The following RUFY1 variants were observed in gnomAD, a reference collection of about 807,000 sequenced individuals.
RUFY1 encodes the protein RUN and FYVE domain-containing protein 1.
In RUFY1, 54 loss-of-function variants were observed where a neutral mutation model predicts 94.6. That is an observed-to-expected ratio of 0.57 (90% CI 0.46 to 0.72). RUFY1 has a LOEUF of 0.72. Among genes scored for constraint, RUFY1 ranks in the 30% least tolerant of loss-of-function variants. The pLI, the probability that RUFY1 is intolerant of heterozygous loss-of-function variation, is 0.00. For synonymous variants in RUFY1, 396 were observed against 347.3 expected, an observed-to-expected ratio of 1.14 and a Z score of -1.56; for missense variants, 883 against 883.9, an observed-to-expected ratio of 1.00 and a Z score of 0.01.
chr5:179,608,369 G>A, intron 17 of RUFY1: 2 of 985,668 alleles, frequency 2.0e-6, no homozygotes, highest in Non-Finnish European at 2.4e-6. Flanking sequence ...AGTAAGCTCA[G>A]AGCTAGAAAC....
chr5:179,555,420 C>A (rs955653357), intron 1 of RUFY1, among the ~76,000 whole-genome samples: 1 of 151,994 alleles, frequency 6.6e-6, no homozygotes, highest in South Asian at 2.1e-4. Context: ...GAGATAGAAC[C>A]GCTAAAAGAT....
At chr5:179,551,488 TTTTA>T (rs1761849969) in intron 1 of RUFY1, among the ~76,000 whole-genome samples, 1 of 152,090 alleles carries the variant, frequency 6.6e-6, no homozygotes, top group Admixed American at 6.5e-5. Flanking sequence ...GTGTTTTTGT[TTTTA>T]TTTATTTTTA....
chr5:179,579,344 G>A (rs1186461932), intron 6 of RUFY1, among the ~76,000 whole-genome samples: 1 of 151,602 alleles, frequency 6.6e-6, no homozygotes, highest in African/African-American at 2.4e-5. Flanking sequence ...TTTTTTTTGA[G>A]ACAGTTTTGT....
chr5:179,570,896 C>T (rs1281730383), intron 5 of RUFY1, among the ~76,000 whole-genome samples: 3 of 151,932 alleles, frequency 2.0e-5, no homozygotes, highest in East Asian at 1.9e-4. Context: ...ACTCTTAGAC[C>T]GATAATTCAG....
Position 179,577,159 on chromosome 5 carries a change from CTTTTTTTTTTTT to C in RUFY1, c.890+42_890+53del, listed in dbSNP as rs748319712. 131 of 186,702 alleles carry C rather than the reference CTTTTTTTTTTTT, an allele frequency of 7.0e-4. No individual in the cohort carries two copies. In the East Asian group the frequency reaches 7.7e-3, roughly 11 times the overall value. The allele number at this position is 186,702 out of a possible 1,614,324, so 11.6% of individuals were successfully genotyped here. Reference sequence around the variant, plus strand: ...GGAGTAAGTACTGCGTTGTATGTCACTTTTTTTTTTTTTTTTTTTTTTTTTTTTTTGAGACAG... The same window carrying C: ...GGAGTAAGTACTGCGTTGTATGTCACTTTTTTTTTTTTTTTTTTGAGACAG... On this transcript the variant is annotated intron_variant, in intron 6 of 17. Transcript: ENST00000319449.
rs570892013 is a variant in RUFY1 at position 179,563,825 on chromosome 5, C to A, written c.602+1161C>A. Among the ~76,000 whole-genome samples, 9 of 152,240 alleles carry A rather than the reference C, an allele frequency of 5.9e-5. No individual in the cohort carries two copies. The East Asian group carries it at 1.2e-3, about 20-fold the overall frequency. On this transcript the variant is annotated intron_variant, in intron 3 of 17. Transcript: ENST00000319449. ...TAGCTGGGATTACAGGCACGTGCCA[C>A]CACACCCAGTTAATTTTTGTATTTT...
chr5:179,598,522 T>C (rs547398452), intron 13 of RUFY1, among the ~76,000 whole-genome samples, 170 bp from the exon 14 acceptor site: 1 of 152,296 alleles, frequency 6.6e-6, no homozygotes, highest in Admixed American at 6.5e-5. Flanking sequence ...TTCCTGCTCT[T>C]TCTTGTGGAA....
chr5:179,594,812 C>CAGGT, intron 11 of RUFY1, 54 bp from the exon 12 acceptor site: 3 of 977,172 alleles, frequency 3.1e-6, no homozygotes, highest in Non-Finnish European at 3.2e-6. Context: ...TAATCCAGAG[C>CAGGT]AGGTGCAAGG....
chr5:179,603,660 C>T (rs1432043152), intron 15 of RUFY1: 1 of 152,274 alleles, frequency 6.6e-6, no homozygotes, highest in Non-Finnish European at 1.5e-5. Context: ...GGGTTTGCAG[C>T]CAGTGTTTTC....
At chr5:179,609,311 G>C (rs1767473259) in intron 17 of RUFY1, 65 bp from the exon 18 acceptor site, 2 of 1,552,710 alleles carry the variant, frequency 1.3e-6, no homozygotes, top group Non-Finnish European at 1.8e-6. Context: ...GGGTCAGGAA[G>C]CAGGGAGGGT....
intron 8 of RUFY1, chr5:179,586,580 AAG>A: frequency 2.6e-6 from 1 of 381,170 alleles, no homozygotes; most frequent in East Asian, 7.3e-5. Context: ...TACAGCAGAG[AAG>A]AGAGCCTCAG....
At chr5:179,585,283 A>G (rs1309470644) in intron 7 of RUFY1, among the ~76,000 whole-genome samples, 1 of 152,122 alleles carries the variant, frequency 6.6e-6, no homozygotes, top group Admixed American at 6.6e-5. Flanking sequence ...CAGATGACTA[A>G]AAAAGAAATA....
intron 7 of RUFY1, among the ~76,000 whole-genome samples, chr5:179,585,209 A>G (rs1170806314): frequency 6.6e-6 from 1 of 152,222 alleles, no homozygotes; most frequent in South Asian, 2.1e-4. Flanking sequence ...TACTTTAGGT[A>G]TATGACTGCC....
intron 14 of RUFY1, among the ~76,000 whole-genome samples, chr5:179,601,476 G>A (rs1183000892): frequency 6.6e-6 from 1 of 151,322 alleles, no homozygotes; most frequent in Non-Finnish European, 1.5e-5. Flanking sequence ...GCCACCTTTT[G>A]CTCTTGAAAA....
Position 179,573,325 on chromosome 5 carries a change from G to A in RUFY1, c.829-3750G>A, listed in dbSNP as rs115110478. On this transcript the variant is annotated intron_variant, in intron 5 of 17. Coordinates refer to ENST00000319449, the MANE Select transcript of RUFY1 (RefSeq NM_025158.5). ...TTAATTAATTAATAGACATGAGTGA[G>A]CAATCTGGTCTAGTGCTATCTTGAA... 6.3e-3 allele frequency among the ~76,000 whole-genome samples: 957 copies of A among 152,220 alleles called. 5 individuals carry two copies. Among genetic ancestry groups the A allele is most frequent in the Non-Finnish European group, 9.9e-3 (674 of 68,002 alleles).
At chr5:179,582,764 A>G (rs1275785987) in intron 7 of RUFY1, among the ~76,000 whole-genome samples, 1 of 151,964 alleles carries the variant, frequency 6.6e-6, no homozygotes, top group Non-Finnish European at 1.5e-5. Flanking sequence ...AATCGCTTGG[A>G]CCCGGGAGAC....
intron 1 of RUFY1, 103 bp from the exon 2 acceptor site, chr5:179,559,922 G>A: frequency 2.0e-6 from 3 of 1,482,554 alleles, no homozygotes; most frequent in South Asian, 1.4e-5. Context: ...TCCCTAAGCA[G>A]ACCGCCTGGC....
chr5:179,577,188 TTGAG>T, intron 6 of RUFY1, 52 bp downstream of exon 6: 1 of 963,212 alleles, frequency 1.0e-6, no homozygotes, highest in Non-Finnish European at 1.5e-6. Context: ...TTTTTTTTTT[TTGAG>T]ACAGAATCTG....
chr5:179,585,966 A>C (rs1764576679), intron 8 of RUFY1, 101 bp downstream of exon 8: 2 of 940,614 alleles, frequency 2.1e-6, no homozygotes, highest in Non-Finnish European at 1.7e-6. Context: ...TGCTGGTAGG[A>C]AGGGGACTTG....
Sources: allele counts gnomAD v4.1 joint callset (sites outside exome capture counted in the v4.1 genomes callset), GRCh38; gene constraint gnomAD v4.1.1; transcripts MANE v1.5; gene names NCBI Gene and HGNC (gene_info 2026-07-23, HGNC 2026-07-21).